MMP26: variants seen among roughly 807,000 people sequenced by gnomAD.
The protein encoded by MMP26 is matrix metallopeptidase 26.
In MMP26, 33 loss-of-function variants were observed where a neutral mutation model predicts 31.0. That is an observed-to-expected ratio of 1.06 (90% CI 0.81 to 1.42). MMP26 has a LOEUF of 1.42. Ranked by LOEUF, MMP26 falls within the 40% of genes most tolerant of loss-of-function variation. The pLI, the probability that MMP26 is intolerant of heterozygous loss-of-function variation, is 0.00. For synonymous variants in MMP26, 122 were observed against 114.9 expected, an observed-to-expected ratio of 1.06 and a Z score of -0.40; for missense variants, 347 against 316.1, an observed-to-expected ratio of 1.10 and a Z score of -0.74.
At chr11:4,716,156 G>A (rs1847927738) in intron 1 of MMP26, among the ~76,000 whole-genome samples, 1 of 152,162 alleles carries the variant, frequency 6.6e-6, no homozygotes, top group Non-Finnish European at 1.5e-5. Context: ...TCTGAGTGAG[G>A]ATTGTAATTA....
chr11:4,806,673 A>G (rs1849274845), intron 2 of MMP26, among the ~76,000 whole-genome samples: 6 of 152,184 alleles, frequency 3.9e-5, no homozygotes, highest in Admixed American at 3.9e-4. Context: ...CTCAAGATTT[A>G]TAACAGACTG....
At chr11:4,915,685 A>T in intron 2 of MMP26, 1 of 1,570,598 alleles carries the variant, frequency 6.4e-7, no homozygotes, top group Non-Finnish European at 8.7e-7. Context: ...ACAAGGGGGA[A>T]GGTGGGTGCC....
chr11:4,987,943 C>T, intron 2 of MMP26, 125 bp from the exon 3 acceptor site: 1 of 490,836 alleles, frequency 2.0e-6, no homozygotes, highest in Non-Finnish European at 3.7e-6. Context: ...TGAGACTGAC[C>T]TGTATTTCCT....
At chr11:4,842,381 T>A (rs1454549965) in intron 2 of MMP26, among the ~76,000 whole-genome samples, 1 of 151,982 alleles carries the variant, frequency 6.6e-6, no homozygotes, top group East Asian at 1.9e-4. Context: ...ATTAAAGAGG[T>A]TTCATTGTCT....
At chr11:4,892,962 C>G (rs1850648810) in intron 2 of MMP26, among the ~76,000 whole-genome samples, 1 of 152,114 alleles carries the variant, frequency 6.6e-6, no homozygotes, top group Admixed American at 6.5e-5. Context: ...CTGCTAACGT[C>G]AATCTTTTTC....
intron 2 of MMP26, among the ~76,000 whole-genome samples, chr11:4,827,258 GTCACC>G (rs1378924616): frequency 6.6e-6 from 1 of 152,176 alleles, no homozygotes; most frequent in African/African-American, 2.4e-5. Context: ...AGAAAATGCA[GTCACC>G]TCAGAATGAG....
intron 1 of MMP26, chr11:4,723,380 C>G: frequency 1.1e-6 from 1 of 947,746 alleles, no homozygotes; most frequent in Admixed American, 1.7e-5. Flanking sequence ...TTGGAGATCA[C>G]CTTGTACTGC....
intron 2 of MMP26, among the ~76,000 whole-genome samples, chr11:4,783,507 T>G (rs975726907): frequency 2.6e-5 from 4 of 152,190 alleles, no homozygotes; most frequent in Non-Finnish European, 5.9e-5. Flanking sequence ...TTGCCTTGTC[T>G]TGGATGAGAC....
intron 2 of MMP26, among the ~76,000 whole-genome samples, chr11:4,977,419 T>G (rs138592423): frequency 2.4e-4 from 36 of 152,250 alleles, no homozygotes; most frequent in Non-Finnish European, 3.7e-4. Context: ...TAACAACCTA[T>G]TGACGGGCCA....
chr11:4,878,793 A>G lies in MMP26; in HGVS notation c.-144-109275A>G, dbSNP rs74709351. On this transcript the variant is annotated intron_variant, in intron 2 of 7. Transcript: ENST00000380390. ...ATCTTCACTGATAGGAACCAGGGAA[A>G]GAGGGTGGTGTTTACTTATGCATCT... 9.7e-3 allele frequency among the ~76,000 whole-genome samples: 1,475 copies of G among 152,292 alleles called. 24 individuals carry two copies. The highest frequency in any genetic ancestry group is 0.034 in the African/African-American group (1,407 of 41,560).
Position 4,704,990 on chromosome 11 carries a change from G to C in MMP26, c.-272G>C, listed in dbSNP as rs1257186002. 6.6e-6 allele frequency: 1 copy of C among 152,156 alleles called. No homozygotes were observed. Among genetic ancestry groups the C allele is most frequent in the African/African-American group, 2.4e-5 (1 of 41,424 alleles). The allele number at this position is 152,156 out of a possible 1,614,324, so 9.4% of individuals were successfully genotyped here. On this transcript the variant is annotated 5_prime_UTR_variant, in exon 1 of 8. Transcript: ENST00000380390. ...GCTGTGTGGGATGATCCTTCAAATAGCAGGGGGCAGGATCAAATAACCTCA... is the reference window on the plus strand; with the variant it reads ...GCTGTGTGGGATGATCCTTCAAATACCAGGGGGCAGGATCAAATAACCTCA...
intron 2 of MMP26, among the ~76,000 whole-genome samples, chr11:4,825,949 A>G (rs1849573156): frequency 1.3e-5 from 2 of 152,074 alleles, no homozygotes; most frequent in South Asian, 4.1e-4. Flanking sequence ...AATTTAGAGA[A>G]TTATTAACAA....
At chr11:4,893,689 A>C (rs1850660698) in intron 2 of MMP26, among the ~76,000 whole-genome samples, 1 of 152,216 alleles carries the variant, frequency 6.6e-6, no homozygotes, top group South Asian at 2.1e-4. Flanking sequence ...GTAGACCTTC[A>C]TTAAATACTT....
intron 2 of MMP26, among the ~76,000 whole-genome samples, chr11:4,975,129 T>A (rs61013088): frequency 0.045 from 6,843 of 152,098 alleles, 566 homozygotes; most frequent in African/African-American, 0.16. Context: ...TAACATTTTT[T>A]AAAAATGCCT....
intron 2 of MMP26, chr11:4,882,249 T>C: frequency 6.2e-7 from 1 of 1,614,030 alleles, no homozygotes; most frequent in Non-Finnish European, 8.5e-7. Context: ...TCCTCGGTGC[T>C]GGTAGCCATG....
At chr11:4,764,357 G>A (rs1214740059) in intron 1 of MMP26, among the ~76,000 whole-genome samples, 1 of 152,110 alleles carries the variant, frequency 6.6e-6, no homozygotes. Flanking sequence ...AGAGGTATAT[G>A]AGTGGTATTG....
rs1342627159 is a variant in MMP26 at position 4,951,226 on chromosome 11, C to T, written c.-144-36842C>T. On this transcript the variant is annotated intron_variant, in intron 2 of 7. Coordinates refer to ENST00000380390, the MANE Select transcript of MMP26 (RefSeq NM_021801.5). The stretch of plus-strand genomic sequence containing the variant: ...AGAGCTCCCTGGGTGATTTTAATGC[C>T]TTACCATAAAGATTGAAATGTAAAA... 8.9e-5 allele frequency among the ~76,000 whole-genome samples: 11 copies of T among 123,752 alleles called. 2 individuals carry two copies. The highest frequency in any genetic ancestry group is 3.0e-4 in the African/African-American group (11 of 36,608). The allele number at this position is 123,752 out of a possible 152,430, so 81.2% of individuals were successfully genotyped here.
intron 2 of MMP26, among the ~76,000 whole-genome samples, chr11:4,789,529 A>C (rs12804194): frequency 0.2 from 8,874 of 44,540 alleles, 403 homozygotes; most frequent in Middle Eastern, 0.35. Context: ...ATATCCCCCC[A>C]CTTTTTTTTT....
chr11:4,845,072 C>T (rs1849848456), intron 2 of MMP26, among the ~76,000 whole-genome samples: 1 of 151,894 alleles, frequency 6.6e-6, no homozygotes, highest in Non-Finnish European at 1.5e-5. Flanking sequence ...ACAAAATTAG[C>T]ATACAAAAAT....
Sources: gnomAD v4.1 joint callset for allele counts (sites outside exome capture counted in the v4.1 genomes callset) on GRCh38, gnomAD v4.1.1 for gene constraint, MANE v1.5 for transcripts, NCBI Gene and HGNC (gene_info 2026-07-23, HGNC 2026-07-21) for gene names.